Variants in FHIT observed in about 807,000 individuals in gnomAD.
The protein encoded by FHIT is bis(5'-adenosyl)-triphosphatase.
A neutral mutation model predicts 17.9 loss-of-function variants in FHIT; 19 were observed. The observed-to-expected ratio is 1.06, with a 90% confidence interval of 0.74 to 1.56. The LOEUF is 1.56. FHIT is among the 40% of genes most tolerant of loss of function. FHIT has a pLI of 0.00. For missense variants in FHIT, 248 were observed against 189.2 expected (o/e 1.31, Z -1.82); for synonymous variants, 81 against 69.7 (o/e 1.16, Z -0.81).
chr3:60,754,225 G>A (rs1463694626), intron 4 of FHIT, among the ~76,000 whole-genome samples: 1 of 152,196 alleles, frequency 6.6e-6, no homozygotes, highest in Non-Finnish European at 1.5e-5. Flanking sequence ...CCCCCTGCCT[G>A]TTAGTGAAAG....
At chr3:60,831,183 A>C (rs1184646114) in intron 3 of FHIT, among the ~76,000 whole-genome samples, 1 of 152,230 alleles carries the variant, frequency 6.6e-6, no homozygotes, top group Non-Finnish European at 1.5e-5. Flanking sequence ...GATTGTGATT[A>C]TATATAATGA....
At chr3:60,554,328 A>G (rs1337930781) in intron 4 of FHIT, among the ~76,000 whole-genome samples, 2 of 152,166 alleles carry the variant, frequency 1.3e-5, no homozygotes, top group African/African-American at 4.8e-5. Context: ...ACATGTTTAA[A>G]TACAAAAACA....
At chr3:60,371,343 A>T (rs1356707815) in intron 5 of FHIT, among the ~76,000 whole-genome samples, 2 of 151,414 alleles carry the variant, frequency 1.3e-5, no homozygotes, top group Non-Finnish European at 3.0e-5. Flanking sequence ...AACCATTTTA[A>T]TTATTAAATA....
rs1491405322 is a variant in FHIT, at chr3:61,239,761, CCA to C, written c.-213+11538_-213+11539del. Among the ~76,000 whole-genome samples, 20 of 63,164 alleles carry C rather than the reference CCA, an allele frequency of 3.2e-4. 1 individual carries two copies. The highest frequency in any genetic ancestry group is 9.7e-4 in the East Asian group (1 of 1,030). The allele number at this position is 63,164 out of a possible 152,430, so 41.4% of individuals were successfully genotyped here. The stretch of plus-strand genomic sequence containing the variant: ...TAAAACTGCAAAGAAAAACAACTGG[CCA>C]TATATATATATATATATATATACAC... On this transcript the variant is annotated intron_variant, in intron 1 of 9. Coordinates refer to ENST00000492590, the MANE Select transcript of FHIT (RefSeq NM_002012.4).
intron 2 of FHIT, among the ~76,000 whole-genome samples, chr3:61,080,569 C>T (rs1015569225): frequency 6.6e-6 from 1 of 151,922 alleles, no homozygotes; most frequent in African/African-American, 2.4e-5. Context: ...AATAGATGTT[C>T]GATATTATAG....
chr3:60,416,477 A>G (rs1204172181), intron 5 of FHIT, among the ~76,000 whole-genome samples: 1 of 152,192 alleles, frequency 6.6e-6, no homozygotes, highest in Non-Finnish European at 1.5e-5. Flanking sequence ...ATGATAACTC[A>G]AGTCTACCAC....
At chr3:60,885,677 GC>G (rs1366852981) in intron 3 of FHIT, among the ~76,000 whole-genome samples, 1 of 151,982 alleles carries the variant, frequency 6.6e-6, no homozygotes, top group Non-Finnish European at 1.5e-5. Context: ...AGTCACTTTG[GC>G]CTTTTTTCCT....
intron 5 of FHIT, among the ~76,000 whole-genome samples, chr3:60,434,905 C>T (rs1162357964): frequency 6.6e-6 from 1 of 152,146 alleles, no homozygotes; most frequent in African/African-American, 2.4e-5. Flanking sequence ...CTAACTACAA[C>T]ATTCATAGTT....
chr3:60,182,288 G>A (rs1326241309), intron 5 of FHIT, among the ~76,000 whole-genome samples: 1 of 152,084 alleles, frequency 6.6e-6, no homozygotes, highest in East Asian at 1.9e-4. Context: ...AAATCCTACA[G>A]GCCTCCTACC....
rs1382067277 is a variant in FHIT, at chr3:60,451,233, A to T, written c.103+85627T>A. Among the ~76,000 whole-genome samples, 4 of 152,184 alleles carry T rather than the reference A, an allele frequency of 2.6e-5. No individual in the cohort carries two copies. In the South Asian group the frequency reaches 8.3e-4, roughly 32 times the overall value. On this transcript the variant is annotated intron_variant, in intron 5 of 9. Coordinates refer to ENST00000492590, the MANE Select transcript of FHIT (RefSeq NM_002012.4). ...CTGAAGTCAATAACCAAGGTTCAGAAATCTTTACCCTTTTGCTTTTTGGGA... is the reference window on the plus strand; with the variant it reads ...CTGAAGTCAATAACCAAGGTTCAGATATCTTTACCCTTTTGCTTTTTGGGA...
chr3:61,070,408 C>G (rs57183031), intron 2 of FHIT, among the ~76,000 whole-genome samples: 2 of 152,174 alleles, frequency 1.3e-5, no homozygotes. Context: ...GTCTCCTCCT[C>G]CAGTTTTGAG....
intron 3 of FHIT, among the ~76,000 whole-genome samples, chr3:60,917,332 C>A (rs1707056939): frequency 6.6e-6 from 1 of 152,234 alleles, no homozygotes; most frequent in African/African-American, 2.4e-5. Context: ...CCTTCCCTGG[C>A]ACACAGCCAG....
chr3:60,892,419 G>A (rs1276083587), intron 3 of FHIT, among the ~76,000 whole-genome samples: 1 of 151,976 alleles, frequency 6.6e-6, no homozygotes, highest in African/African-American at 2.4e-5. Flanking sequence ...CCTTTCTCAG[G>A]TCACCTCTGT....
At chr3:60,468,754 A>G (rs975433213) in intron 5 of FHIT, among the ~76,000 whole-genome samples, 28 of 152,076 alleles carry the variant, frequency 1.8e-4, no homozygotes, top group Admixed American at 1.8e-3. Flanking sequence ...TTTTCTGTGT[A>G]CTTACTATTA....
At chr3:60,638,747 C>T (rs1293226188) in intron 4 of FHIT, among the ~76,000 whole-genome samples, 3 of 151,556 alleles carry the variant, frequency 2.0e-5, no homozygotes, top group Admixed American at 6.6e-5. Flanking sequence ...CAAATATTTA[C>T]CAGAAACAGA....
intron 5 of FHIT, among the ~76,000 whole-genome samples, chr3:60,449,358 T>C (rs774725520): frequency 1.9e-4 from 29 of 152,228 alleles, no homozygotes; most frequent in Non-Finnish European, 2.8e-4. Context: ...AAGATGATGA[T>C]GATGTTCTTA....
At chr3:59,794,042 A>G (rs1476166960) in intron 8 of FHIT, among the ~76,000 whole-genome samples, 3 of 152,146 alleles carry the variant, frequency 2.0e-5, no homozygotes, top group African/African-American at 4.8e-5. Flanking sequence ...GCTATTTCTC[A>G]CAAGCTTAGC....
At chr3:59,835,282 G>A (rs1278228588) in intron 8 of FHIT, among the ~76,000 whole-genome samples, 1 of 152,112 alleles carries the variant, frequency 6.6e-6, no homozygotes, top group Non-Finnish European at 1.5e-5. Flanking sequence ...ACTTGTTTAG[G>A]TTCAGAAGAA....
intron 5 of FHIT, among the ~76,000 whole-genome samples, chr3:60,444,078 A>G (rs1397449439): frequency 6.6e-6 from 1 of 152,208 alleles, no homozygotes; most frequent in African/African-American, 2.4e-5. Context: ...TGCAGCCAAA[A>G]GACACATGAA....
Sources: allele counts gnomAD v4.1 joint callset (sites outside exome capture counted in the v4.1 genomes callset), GRCh38; gene constraint gnomAD v4.1.1; transcripts MANE v1.5; gene names NCBI Gene and HGNC (gene_info 2026-07-23, HGNC 2026-07-21).